The following KIF26B variants were observed in gnomAD, a reference collection of about 807,000 sequenced individuals.
KIF26B encodes the protein kinesin-like protein KIF26B.
KIF26B carries 63 observed loss-of-function variants against 151.2 expected under a neutral mutation model. The observed-to-expected ratio is 0.42, with a 90% confidence interval of 0.34 to 0.51. The LOEUF (loss-of-function observed/expected upper bound fraction) is 0.51, where lower values mean the gene tolerates loss of function less well. Ranked by LOEUF, KIF26B falls within the 20% of genes least tolerant of loss-of-function variation. The pLI is 0.07. For synonymous variants in KIF26B, 1,357 were observed against 1,262.1 expected, an observed-to-expected ratio of 1.08 and a Z score of -1.59; for missense variants, 2,813 against 2,913.6, an observed-to-expected ratio of 0.97 and a Z score of 0.79.
At chr1:245,297,096 A>G (rs1225684473) in intron 2 of KIF26B, among the ~76,000 whole-genome samples, 1 of 120,776 alleles carries the variant, frequency 8.3e-6, no homozygotes, top group East Asian at 3.0e-4. Context: ...TAATCCCAAC[A>G]CTTTGGGAGG....
In KIF26B at chr1:245,702,360, G is replaced by A; in HGVS notation, c.6179-98G>A. The stretch of plus-strand genomic sequence containing the variant: ...CAAGCGAACTAGACCTTTAGACCAA[G>A]GGGTAGATGTGGGGGTGGCAGCTCC... On this transcript the variant is annotated intron_variant, in intron 14 of 14. Transcript: ENST00000407071. The surrounding 1 kb of genome is among the most constrained non-coding windows in gnomAD (Gnocchi z 4.1). 7.4e-7 allele frequency: 1 copy of A among 1,352,054 alleles called. No individual in the cohort carries two copies. The highest frequency in any genetic ancestry group is 1.0e-6 in the Non-Finnish European group (1 of 962,444). 83.8% of individuals were successfully genotyped at this position (1,352,054 alleles called of 1,614,324 possible). A position where few individuals can be genotyped will look rare whatever the true frequency, so the allele number is the denominator to read the frequency against.
chr1:245,691,450 T>C (rs988551699), intron 12 of KIF26B, among the ~76,000 whole-genome samples: 2 of 152,240 alleles, frequency 1.3e-5, no homozygotes, highest in African/African-American at 4.8e-5. Context: ...CTGCTGTAGA[T>C]CCAGGCTCCA....
At chr1:245,464,358 T>C (rs1490524016) in intron 4 of KIF26B, among the ~76,000 whole-genome samples, 1 of 151,842 alleles carries the variant, frequency 6.6e-6, no homozygotes, top group Admixed American at 6.6e-5. Context: ...CATCTGTGGG[T>C]GTGTGCGTGT....
intron 4 of KIF26B, among the ~76,000 whole-genome samples, chr1:245,444,734 A>G (rs543920159): frequency 1.3e-5 from 2 of 152,292 alleles, no homozygotes; most frequent in African/African-American, 4.8e-5. Flanking sequence ...TTTTTCCTAC[A>G]TAAACTTCCA....
intron 2 of KIF26B, among the ~76,000 whole-genome samples, chr1:245,280,116 T>C (rs1671012153): frequency 6.6e-6 from 1 of 152,000 alleles, no homozygotes; most frequent in Non-Finnish European, 1.5e-5. Context: ...TGCTCCCCAT[T>C]GGGCGCCCCA....
chr1:245,314,948 AGGCG>A (rs1671736039), intron 2 of KIF26B, among the ~76,000 whole-genome samples: 2 of 152,170 alleles, frequency 1.3e-5, no homozygotes, highest in Non-Finnish European at 2.9e-5. Context: ...TGGGAGGCCG[AGGCG>A]GGTGGATCAC....
intron 5 of KIF26B, among the ~76,000 whole-genome samples, chr1:245,569,136 C>G (rs1353646094): frequency 6.6e-6 from 1 of 152,070 alleles, no homozygotes; most frequent in African/African-American, 2.4e-5. Context: ...GATCTAGAGC[C>G]CTTTGCTGGA....
At chr1:245,570,346 T>A (rs1402349315) in intron 5 of KIF26B, among the ~76,000 whole-genome samples, 1 of 152,206 alleles carries the variant, frequency 6.6e-6, no homozygotes. Flanking sequence ...CTTCTGCACA[T>A]CCCACATTCG....
chr1:245,584,313 T>G (rs1347870244), intron 5 of KIF26B, among the ~76,000 whole-genome samples: 4 of 152,066 alleles, frequency 2.6e-5, no homozygotes, highest in African/African-American at 7.3e-5. Context: ...TGCAGAACCA[T>G]GAGCCAATTA....
Position 245,611,995 on chromosome 1 carries a change from C to G in KIF26B, c.2098+19C>G. 3 of 1,607,676 alleles carry G rather than the reference C, an allele frequency of 1.9e-6. No individual in the cohort carries two copies. The highest frequency in any genetic ancestry group is 2.2e-5 in the South Asian group (2 of 90,934). On this transcript the variant is annotated intron_variant, in intron 9 of 14. Coordinates refer to ENST00000407071, the MANE Select transcript of KIF26B (RefSeq NM_018012.4). ...GGGGGAAGTAAGTCGGCCACTCCAC[C>G]CTCCTGCCTCCTTAGCGGCTCTGGC...
In KIF26B at chr1:245,698,359, C is replaced by T. The variant is rs2044722531; in HGVS notation, c.6027+51C>T. 2 of 1,530,230 alleles carry T rather than the reference C, an allele frequency of 1.3e-6. No homozygotes were observed. Among genetic ancestry groups the T allele is most frequent in the African/African-American group, 1.4e-5 (1 of 73,516 alleles). 94.8% of individuals were successfully genotyped at this position (1,530,230 alleles called of 1,614,324 possible). A position where few individuals can be genotyped will look rare whatever the true frequency, so the allele number is the denominator to read the frequency against. On this transcript the variant is annotated intron_variant, in intron 13 of 14. Coordinates refer to ENST00000407071, the MANE Select transcript of KIF26B (RefSeq NM_018012.4). The surrounding 1 kb of genome is among the most constrained non-coding windows in gnomAD (Gnocchi z 4.0). ...TGCCTACGTGGTGGCAGCTCCCCAC[C>T]AAGCCTGAGCAGGTGCTAGGCAGGG...
intron 2 of KIF26B, among the ~76,000 whole-genome samples, chr1:245,223,515 G>T (rs1195492262): frequency 6.6e-6 from 1 of 152,140 alleles, no homozygotes; most frequent in African/African-American, 2.4e-5. Context: ...AAGCCTTTCA[G>T]CCTCCTTTCC....
rs192704218 is a variant in KIF26B, at chr1:245,592,138, C to T, written c.1351-10439C>T. Among the ~76,000 whole-genome samples the T allele has an allele frequency of 1.9e-3, 293 of 152,356 alleles. 2 individuals carry two copies. Among genetic ancestry groups the T allele is most frequent in the Non-Finnish European group, 3.6e-3 (242 of 68,038 alleles). ...CACACTTAGCTTTATTGTGCCACCACTTGTCACCTTTCCCGGCCCGGTTTT... is the reference window on the plus strand; with the variant it reads ...CACACTTAGCTTTATTGTGCCACCATTTGTCACCTTTCCCGGCCCGGTTTT... On this transcript the variant is annotated intron_variant, in intron 5 of 14. Transcript: ENST00000407071.
rs1669894307 is a variant in KIF26B, at chr1:245,227,190, G to A, written c.465+70507G>A. Reference sequence around the variant, plus strand: ...GAGGCGTGTGTGTCTGTCTGGTTGAGCTGAAACGTGGGCAGATCAGAAAGG... The same window carrying A: ...GAGGCGTGTGTGTCTGTCTGGTTGAACTGAAACGTGGGCAGATCAGAAAGG... On this transcript the variant is annotated intron_variant, in intron 2 of 14. Coordinates refer to ENST00000407071, the MANE Select transcript of KIF26B (RefSeq NM_018012.4). This position sits in a 1 kb window ranked among gnomAD's most constrained non-coding sequence, Gnocchi z 4.1. 1.3e-5 allele frequency among the ~76,000 whole-genome samples: 2 copies of A among 152,156 alleles called. No homozygotes were observed. Among genetic ancestry groups the A allele is most frequent in the Non-Finnish European group, 2.9e-5 (2 of 68,030 alleles).
intron 2 of KIF26B, among the ~76,000 whole-genome samples, chr1:245,190,709 A>G (rs1350621247): frequency 7.3e-6 from 1 of 137,894 alleles, no homozygotes; most frequent in Non-Finnish European, 1.5e-5. Context: ...ATACTCTTTG[A>G]TTTGAAGAAA....
intron 3 of KIF26B, among the ~76,000 whole-genome samples, chr1:245,371,875 A>G (rs2103013035): frequency 6.6e-6 from 1 of 152,350 alleles, no homozygotes; most frequent in African/African-American, 2.4e-5. Context: ...ATGTTGAACA[A>G]ACCACAAAGA....
chr1:245,579,391 A>C (rs1019652280), intron 5 of KIF26B, among the ~76,000 whole-genome samples: 12 of 152,236 alleles, frequency 7.9e-5, no homozygotes, highest in African/African-American at 2.9e-4. Context: ...CCAGCTACTC[A>C]GGAGGCTGAG....
Position 245,167,354 on chromosome 1 carries a change from C to T in KIF26B, c.465+10671C>T, listed in dbSNP as rs895650546. On this transcript the variant is annotated intron_variant, in intron 2 of 14. Coordinates refer to ENST00000407071, the MANE Select transcript of KIF26B (RefSeq NM_018012.4). The surrounding 1 kb of genome is among the most constrained non-coding windows in gnomAD (Gnocchi z 4.2). ...TTTTTTTCTGAGCTAACCTAGGAAC[C>T]GATAGAACTTGAGATTTTTCTGCAG... is the stretch of plus-strand genomic sequence containing the variant. Among the ~76,000 whole-genome samples, 7 of 152,002 alleles carry T rather than the reference C, an allele frequency of 4.6e-5. No individual in the cohort carries two copies. The highest frequency in any genetic ancestry group is 2.1e-4 in the South Asian group (1 of 4,824).
chr1:245,416,271 ACT>A (rs1243131223), intron 3 of KIF26B, among the ~76,000 whole-genome samples: 7 of 125,162 alleles, frequency 5.6e-5, no homozygotes, highest in African/African-American at 2.3e-4. Context: ...CAAGAGCGAA[ACT>A]CTGTCTCAAA....
Sources: allele counts gnomAD v4.1 joint callset (sites outside exome capture counted in the v4.1 genomes callset), GRCh38; gene constraint gnomAD v4.1.1; non-coding constraint Gnocchi (gnomAD v3.1); transcripts MANE v1.5; gene names NCBI Gene and HGNC (gene_info 2026-07-23, HGNC 2026-07-21).